KATNAL2: variants seen among roughly 807,000 people sequenced by gnomAD.
The protein encoded by KATNAL2 is katanin catalytic subunit A1 like 2, also known as katanin p60 ATPase-containing subunit A-like 2.
A neutral mutation model predicts 76.3 loss-of-function variants in KATNAL2; 52 were observed. The ratio of observed to expected loss-of-function variants is 0.68; its 90% CI spans 0.55 to 0.86. The LOEUF (loss-of-function observed/expected upper bound fraction) is 0.86, where lower values mean the gene tolerates loss of function less well. Ranked by LOEUF, KATNAL2 falls within the 40% of genes least tolerant of loss-of-function variation. The pLI, the probability that KATNAL2 is intolerant of heterozygous loss-of-function variation, is 0.00. For missense variants in KATNAL2, 660 were observed against 668.9 expected, an observed-to-expected ratio of 0.99 and a Z score of 0.15; for synonymous variants, 243 against 244.2, an observed-to-expected ratio of 1.00 and a Z score of 0.05.
chr18:46,960,430 A>C (rs2059903544), intron 3 of KATNAL2, among the ~76,000 whole-genome samples: 1 of 146,334 alleles, frequency 6.8e-6, no homozygotes, highest in Non-Finnish European at 1.6e-5. Flanking sequence ...GAAACTTCAA[A>C]AAAAAAAAAA....
chr18:47,034,981 G>T (rs1569056446), intron 3 of KATNAL2: 4 of 1,611,640 alleles, frequency 2.5e-6, no homozygotes, highest in Admixed American at 1.7e-5. Context: ...GCGCTGTCGG[G>T]AAGCGCTCTC....
chr18:46,939,478 T>G (rs2059184699), intron 1 of KATNAL2, among the ~76,000 whole-genome samples: 1 of 152,144 alleles, frequency 6.6e-6, no homozygotes, highest in Non-Finnish European at 1.5e-5. Flanking sequence ...GTCACAACAC[T>G]AATAGCCAAA....
intron 1 of KATNAL2, among the ~76,000 whole-genome samples, chr18:46,927,075 C>T (rs1189062189): frequency 2.6e-5 from 4 of 152,100 alleles, no homozygotes; most frequent in Admixed American, 6.6e-5. Flanking sequence ...GAGCATTTAG[C>T]CCATTTACAT....
At chr18:47,069,375 C>A (rs145741169) in intron 12 of KATNAL2, 92 bp downstream of exon 12, 1 of 1,359,712 alleles carries the variant, frequency 7.4e-7, no homozygotes, top group Non-Finnish European at 1.0e-6. Flanking sequence ...CTGGGGCACA[C>A]GAGAGCTGAG....
chr18:47,031,356 G>C (rs1426794494), intron 3 of KATNAL2, among the ~76,000 whole-genome samples: 1 of 151,954 alleles, frequency 6.6e-6, no homozygotes, highest in Non-Finnish European at 1.5e-5. Context: ...TTTTGTTTCT[G>C]CTGTCGTTGG....
At chr18:47,035,744 A>G (rs1356111100) in intron 3 of KATNAL2, 1 of 203,618 alleles carries the variant, frequency 4.9e-6, no homozygotes, top group African/African-American at 2.3e-5. Flanking sequence ...TTCAGCCTCG[A>G]CACACCCCAC....
At chr18:47,069,986 A>G (rs547522223) in intron 13 of KATNAL2, among the ~76,000 whole-genome samples, 8 of 152,132 alleles carry the variant, frequency 5.3e-5, no homozygotes, top group African/African-American at 7.2e-5. Context: ...GTTAGTCCCT[A>G]TGCTAGATAC....
Position 46,931,837 on chromosome 18 carries a change from A to G in KATNAL2, c.-510+13911A>G, listed in dbSNP as rs534762442. On this transcript the variant is annotated intron_variant, in intron 1 of 17. Coordinates refer to ENST00000683218, the MANE Select transcript of KATNAL2 (RefSeq NM_001387690.1). ...CAATAAAATAGAGACCAATACAGTTAAAGTGTTGCTCTTTGAAAGCAATTA... is the reference window on the plus strand; with the variant it reads ...CAATAAAATAGAGACCAATACAGTTGAAGTGTTGCTCTTTGAAAGCAATTA... Among the ~76,000 whole-genome samples, 37 of 152,292 alleles carry G rather than the reference A, an allele frequency of 2.4e-4. No homozygotes were observed. The South Asian group carries it at 7.7e-3, about 32-fold the overall frequency.
intron 15 of KATNAL2, among the ~76,000 whole-genome samples, chr18:47,094,728 C>T (rs2063153184): frequency 6.6e-6 from 1 of 152,208 alleles, no homozygotes; most frequent in African/African-American, 2.4e-5. Context: ...AATCTCCTGC[C>T]TGGAGGGCAA....
Position 47,052,890 on chromosome 18 carries a change from A to T in KATNAL2, c.133A>T (p.Thr45Ser), listed in dbSNP as rs766613936. 11 of 1,603,600 alleles carry T rather than the reference A, an allele frequency of 6.9e-6. No individual in the cohort carries two copies. The South Asian group carries it at 1.0e-4, about 15-fold the overall frequency. Residue 45 changes from threonine (T) to serine (S), a missense_variant, in exon 5 of 18, where the codon ACA becomes TCA. Transcript: ENST00000683218. ...CTGTGAAACTGCCAGGTATATCGAT[A>T]CAGCAAATGCTTTGGAGCAAGAAAC... The part of the protein sequence containing the change: ...HYLTQEGYID[T>S]ANALEQETKL...
chr18:47,084,574 T>G (rs2062681908), intron 15 of KATNAL2: 3 of 587,920 alleles, frequency 5.1e-6, no homozygotes, highest in Non-Finnish European at 3.0e-6. Context: ...GTGGGCCAGG[T>G]GCAGTGGCTC....
At chr18:47,098,036 T>C (rs2063322363) in intron 15 of KATNAL2, 2 of 159,900 alleles carry the variant, frequency 1.3e-5, no homozygotes, top group South Asian at 3.4e-4. Context: ...TGAGGTGTCA[T>C]GATATAAATT....
In KATNAL2 at chr18:46,918,981, ATATG is replaced by A. The variant is rs1468589656; in HGVS notation, c.-510+1057_-510+1060del. Among the ~76,000 whole-genome samples, 3 of 147,472 alleles carry A rather than the reference ATATG, an allele frequency of 2.0e-5. No homozygotes were observed. In the Admixed American group the frequency reaches 2.0e-4, roughly 10 times the overall value. ...ATTTGTGTAATTGTTTATTTGATAT[ATATG>A]TGTGTGCGTGTATATATATATATGT... On this transcript the variant is annotated intron_variant, in intron 1 of 17. Coordinates refer to ENST00000683218, the MANE Select transcript of KATNAL2 (RefSeq NM_001387690.1).
chr18:46,924,394 A>G (rs914310154), intron 1 of KATNAL2, among the ~76,000 whole-genome samples: 1 of 152,060 alleles, frequency 6.6e-6, no homozygotes, highest in Admixed American at 6.6e-5. Flanking sequence ...GTAGATATGC[A>G]GCATTATTTC....
At chr18:47,039,813 A>C (rs1204952873) in intron 3 of KATNAL2, among the ~76,000 whole-genome samples, 1 of 152,172 alleles carries the variant, frequency 6.6e-6, no homozygotes. Context: ...GGCACCCACC[A>C]ATTACTATCC....
chr18:47,085,799 T>C (rs1055710293), intron 15 of KATNAL2, among the ~76,000 whole-genome samples: 5 of 152,096 alleles, frequency 3.3e-5, no homozygotes, highest in Non-Finnish European at 7.4e-5. Context: ...AATAAATAAA[T>C]AAATAAAAGA....
At chr18:46,921,911 C>G (rs1326530447) in intron 1 of KATNAL2, among the ~76,000 whole-genome samples, 1 of 152,052 alleles carries the variant, frequency 6.6e-6, no homozygotes, top group Admixed American at 6.6e-5. Flanking sequence ...ATTACTTCCT[C>G]TCTCCCTATA....
chr18:46,947,503 C>G (rs2059417362), intron 3 of KATNAL2, among the ~76,000 whole-genome samples: 1 of 151,712 alleles, frequency 6.6e-6, no homozygotes, highest in African/African-American at 2.4e-5. Flanking sequence ...TACTGGCCAG[C>G]AATTCTTTCC....
intron 15 of KATNAL2, among the ~76,000 whole-genome samples, chr18:47,095,209 C>G (rs1166269178): frequency 6.6e-6 from 1 of 152,158 alleles, no homozygotes; most frequent in Non-Finnish European, 1.5e-5. Flanking sequence ...TAGGAGGAAG[C>G]AGAGGTGATT....
Sources: allele counts gnomAD v4.1 joint callset (sites outside exome capture counted in the v4.1 genomes callset), GRCh38; gene constraint gnomAD v4.1.1; transcripts MANE v1.5; gene names NCBI Gene and HGNC (gene_info 2026-07-23, HGNC 2026-07-21).